Variants in PRELID2 observed in about 807,000 individuals in gnomAD.
PRELID2 encodes PRELI domain-containing protein 2.
In PRELID2, 25 loss-of-function variants were observed where a neutral mutation model predicts 28.4. That is an observed-to-expected ratio of 0.88 (90% CI 0.64 to 1.23). The LOEUF (loss-of-function observed/expected upper bound fraction) is 1.23. PRELID2 is among the 50% of genes most tolerant of loss of function. The probability of loss-of-function intolerance (pLI) is 0.00; values close to 1 mark genes in which losing one functional copy is unlikely to be tolerated. For synonymous variants in PRELID2, 76 were observed against 71.6 expected (o/e 1.06, Z -0.31); for missense variants, 201 against 214.4 (o/e 0.94, Z 0.39).
chr5:145,559,127 C>A (rs1033620232), intron 1 of PRELID2, among the ~76,000 whole-genome samples: 2 of 151,778 alleles, frequency 1.3e-5, no homozygotes, highest in Non-Finnish European at 2.9e-5. Flanking sequence ...TAGTGGCAGG[C>A]GCCTGTAGTG....
intron 5 of PRELID2, among the ~76,000 whole-genome samples, chr5:145,785,490 T>C (rs1251968148): frequency 1.3e-5 from 2 of 152,206 alleles, no homozygotes; most frequent in African/African-American, 4.8e-5. Flanking sequence ...TGAGTGTTAG[T>C]TCAAGTTATA....
chr5:145,815,270 C>G (rs994624852), intron 4 of PRELID2, among the ~76,000 whole-genome samples: 9 of 152,184 alleles, frequency 5.9e-5, no homozygotes, highest in Admixed American at 2.0e-4. Flanking sequence ...TTCCCAGCCT[C>G]CAGGTCTGTG....
the PRELID2 span, among the ~76,000 whole-genome samples, chr5:145,269,476 C>T: frequency 6.6e-6 from 1 of 151,882 alleles, no homozygotes; most frequent in Admixed American, 6.6e-5. Flanking sequence ...TACCCCATAA[C>T]CCAATTAATT....
intron 1 of PRELID2, among the ~76,000 whole-genome samples, chr5:145,559,048 A>G (rs937849611): frequency 2.6e-5 from 4 of 152,108 alleles, no homozygotes; most frequent in Non-Finnish European, 5.9e-5. Flanking sequence ...AGGTCAGGAG[A>G]TCGAGACCAT....
chr5:145,465,604 A>T, the PRELID2 span, among the ~76,000 whole-genome samples: 1 of 152,094 alleles, frequency 6.6e-6, no homozygotes. Context: ...CCATGTCTCC[A>T]TTTCTTCATT....
the PRELID2 span, among the ~76,000 whole-genome samples, chr5:145,462,124 T>C: frequency 6.6e-6 from 1 of 152,120 alleles, no homozygotes; most frequent in Admixed American, 6.6e-5. Flanking sequence ...TTATCAAGGA[T>C]TGGATGATCA....
chr5:145,768,970 G>C (rs373311791), intron 5 of PRELID2, among the ~76,000 whole-genome samples: 6 of 152,212 alleles, frequency 3.9e-5, no homozygotes, highest in African/African-American at 1.4e-4. Flanking sequence ...GCTAAGCCAT[G>C]ATTTAGTACC....
the PRELID2 span, among the ~76,000 whole-genome samples, chr5:145,244,321 T>G: frequency 1.3e-4 from 20 of 152,218 alleles, no homozygotes; most frequent in South Asian, 3.1e-3. Flanking sequence ...TCCTCGAAAC[T>G]GACAGCTTTT....
At chr5:145,521,442 T>G (rs144062340) in intron 1 of PRELID2, among the ~76,000 whole-genome samples, 182 of 152,244 alleles carry the variant, frequency 1.2e-3, no homozygotes, top group African/African-American at 4.3e-3. Context: ...CAGACTCCAA[T>G]TAGCTGCAAT....
intron 1 of PRELID2, among the ~76,000 whole-genome samples, chr5:145,688,763 A>G (rs1755087060): frequency 6.6e-6 from 1 of 152,212 alleles, no homozygotes; most frequent in African/African-American, 2.4e-5. Context: ...CTTGCAAACG[A>G]TGCAACTATA....
At chr5:145,464,315 G>A in the PRELID2 span, among the ~76,000 whole-genome samples, 1 of 152,144 alleles carries the variant, frequency 6.6e-6, no homozygotes, top group African/African-American at 2.4e-5. Flanking sequence ...TAGAATAAGG[G>A]AAAGGTGGAA....
intron 1 of PRELID2, among the ~76,000 whole-genome samples, chr5:145,708,604 T>A (rs1427899229): frequency 6.6e-6 from 1 of 152,180 alleles, no homozygotes; most frequent in African/African-American, 2.4e-5. Context: ...AACAGAAAAT[T>A]TTTTTCAACT....
At chr5:145,519,833 C>T (rs537745390) in intron 1 of PRELID2, among the ~76,000 whole-genome samples, 29 of 152,154 alleles carry the variant, frequency 1.9e-4, no homozygotes, top group African/African-American at 5.1e-4. Flanking sequence ...TTAAATAAAA[C>T]GGGAGGTGCT....
At chr5:145,661,666 T>TAAAAAAAAAAAAAAAAAAA (rs567073073) in intron 1 of PRELID2, among the ~76,000 whole-genome samples, 4 of 97,182 alleles carry the variant, frequency 4.1e-5, no homozygotes, top group Non-Finnish European at 9.4e-5. Context: ...AACAAGCCAT[T>TAAAAAAAAAAAAAAAAAAA]AAAAAAAAAA....
At chr5:145,533,708 T>TTGA (rs955124608) in intron 1 of PRELID2, among the ~76,000 whole-genome samples, 4 of 152,076 alleles carry the variant, frequency 2.6e-5, no homozygotes, top group African/African-American at 9.7e-5. Flanking sequence ...TTCCCTCTTT[T>TTGA]TGATATGTTT....
chr5:145,240,994 T>C, the PRELID2 span, among the ~76,000 whole-genome samples: 3 of 151,928 alleles, frequency 2.0e-5, no homozygotes, highest in South Asian at 2.1e-4. Context: ...GTTAAAGAGC[T>C]TCCTTGGGTG....
At chr5:145,508,203 A>C (rs560492014) in intron 1 of PRELID2, among the ~76,000 whole-genome samples, 3 of 152,280 alleles carry the variant, frequency 2.0e-5, no homozygotes, top group Admixed American at 2.0e-4. Flanking sequence ...GCACATTCAC[A>C]TTGGCTGAAA....
intron 1 of PRELID2, among the ~76,000 whole-genome samples, chr5:145,651,424 C>A (rs994165968): frequency 6.6e-6 from 1 of 152,158 alleles, no homozygotes; most frequent in South Asian, 2.1e-4. Flanking sequence ...TCTCCCAGCA[C>A]GGAGTCTGAG....
Position 145,728,554 on chromosome 5 carries a change from T to C in PRELID2, n.70+36377A>G, listed in dbSNP as rs905413032. 9.8e-6 allele frequency: 8 copies of C among 818,848 alleles called. No homozygotes were observed. In the Admixed American group the frequency reaches 1.4e-4, roughly 15 times the overall value. 50.7% of individuals were successfully genotyped at this position (818,848 alleles called of 1,614,324 possible). On this transcript the variant is annotated intron_variant and non_coding_transcript_variant, in intron 1 of 2. Transcript: ENST00000510259. ...TACTCCACATCAGCATCATCCTCAA[T>C]TTCCTGGAATGAATTGTTGATCATG...
Sources: allele counts gnomAD v4.1 joint callset (sites outside exome capture counted in the v4.1 genomes callset), GRCh38; gene constraint gnomAD v4.1.1; transcripts MANE v1.5; gene names NCBI Gene and HGNC (gene_info 2026-07-23, HGNC 2026-07-21).